FBXO25: variants seen among roughly 807,000 people sequenced by gnomAD.
FBXO25 encodes the protein F-box protein 25.
A neutral mutation model predicts 51.9 loss-of-function variants in FBXO25; 45 were observed. The observed-to-expected ratio is 0.87, with a 90% CI of 0.68 to 1.11. FBXO25 has a LOEUF of 1.11. FBXO25 is among the 50% of genes most tolerant of loss of function. The pLI is 0.00. For synonymous variants in FBXO25, 199 were observed against 151.0 expected (o/e 1.32, Z -2.33); for missense variants, 507 against 428.5 (o/e 1.18, Z -1.62).
intron 5 of FBXO25, among the ~76,000 whole-genome samples, chr8:441,964 A>T (rs1798451968): frequency 6.6e-6 from 1 of 152,226 alleles, no homozygotes; most frequent in Non-Finnish European, 1.5e-5. Context: ...TCAAGGATCT[A>T]GAACCAGAGA....
At chr8:423,165 T>C (rs1042803920) in intron 2 of FBXO25, among the ~76,000 whole-genome samples, 1 of 151,200 alleles carries the variant, frequency 6.6e-6, no homozygotes, top group East Asian at 1.9e-4. Flanking sequence ...GTTTTCTCTC[T>C]GTCTTCCTGG....
chr8:443,552 C>T (rs1461141718), intron 5 of FBXO25, among the ~76,000 whole-genome samples: 1 of 151,094 alleles, frequency 6.6e-6, no homozygotes, highest in Non-Finnish European at 1.5e-5. Context: ...AAAGGGACAA[C>T]CCCAAAAATA....
At chr8:446,205 C>T (rs533682540) in intron 5 of FBXO25, among the ~76,000 whole-genome samples, 8 of 152,192 alleles carry the variant, frequency 5.3e-5, no homozygotes, top group African/African-American at 9.6e-5. Context: ...ACCTCGGGCT[C>T]CCCTAACAGG....
In FBXO25 at chr8:475,491, T is replaced by G. The variant is rs1166826144; in HGVS notation, c.*6687T>G. ...GCCACTGGGATATTCTGATAGAGAT[T>G]GCATGAAATCTATAGATTGCTTTGG... On this transcript the variant is annotated 3_prime_UTR_variant, in exon 10 of 10. Transcript: ENST00000350302. The G allele has an allele frequency of 6.5e-6, 1 of 153,118 alleles. No homozygotes were observed. Among genetic ancestry groups the G allele is most frequent in the Non-Finnish European group, 1.5e-5 (1 of 68,792 alleles). 9.5% of individuals were successfully genotyped at this position (153,118 alleles called of 1,614,324 possible). A position where few individuals can be genotyped will look rare whatever the true frequency, so the allele number is the denominator to read the frequency against.
At chr8:459,724 G>A (rs775863893) in intron 8 of FBXO25, among the ~76,000 whole-genome samples, 10 of 152,118 alleles carry the variant, frequency 6.6e-5, no homozygotes, top group Non-Finnish European at 1.5e-4. Context: ...GTGGAGCTAG[G>A]GCCTAGACAG....
intron 3 of FBXO25, among the ~76,000 whole-genome samples, chr8:432,508 G>C (rs1404999072): frequency 6.6e-6 from 1 of 152,174 alleles, no homozygotes; most frequent in African/African-American, 2.4e-5. Flanking sequence ...AAACTTTTAA[G>C]ATTTATCTGA....
intron 1 of FBXO25, among the ~76,000 whole-genome samples, chr8:411,928 C>T (rs1584995361): frequency 6.6e-6 from 1 of 152,186 alleles, no homozygotes; most frequent in Non-Finnish European, 1.5e-5. Flanking sequence ...TAGCCTTCAC[C>T]CCCAAATATT....
At chr8:414,653 T>C (rs1223136181) in intron 2 of FBXO25, among the ~76,000 whole-genome samples, 1 of 152,228 alleles carries the variant, frequency 6.6e-6, no homozygotes, top group Non-Finnish European at 1.5e-5. Flanking sequence ...AGATATGTTT[T>C]CTTTGCATAA....
At chr8:458,700 C>A in intron 8 of FBXO25, 149 bp downstream of exon 8, 1 of 732,952 alleles carries the variant, frequency 1.4e-6, no homozygotes, top group Non-Finnish European at 2.2e-6. Flanking sequence ...ATTGAGATTG[C>A]TGTGGGTTCT....
chr8:445,786 G>A (rs779613190), intron 5 of FBXO25, among the ~76,000 whole-genome samples: 4 of 152,152 alleles, frequency 2.6e-5, no homozygotes, highest in Non-Finnish European at 5.9e-5. Context: ...CTAGAGAATC[G>A]CTTGAACCCA....
intron 2 of FBXO25, among the ~76,000 whole-genome samples, chr8:415,694 C>CTT (rs1442883382): frequency 1.3e-5 from 2 of 152,160 alleles, no homozygotes; most frequent in Non-Finnish European, 2.9e-5. Context: ...GAGAAGGACT[C>CTT]TGAGGGTTCA....
chr8:416,025 C>T (rs1796778069), intron 2 of FBXO25, among the ~76,000 whole-genome samples: 1 of 152,194 alleles, frequency 6.6e-6, no homozygotes, highest in African/African-American at 2.4e-5. Context: ...ATAACGCATT[C>T]AGCTCAGTCT....
intron 9 of FBXO25, among the ~76,000 whole-genome samples, chr8:466,074 C>T (rs114875978): frequency 2.2e-4 from 34 of 152,134 alleles, no homozygotes; most frequent in Admixed American, 1.1e-3. Context: ...AGTGAGTGGT[C>T]CCATCACAGC....
Position 475,184 on chromosome 8 carries a change from C to A in FBXO25, c.*6380C>A, listed in dbSNP as rs989275434. On this transcript the variant is annotated 3_prime_UTR_variant, in exon 10 of 10. Coordinates refer to ENST00000350302, the MANE Select transcript of FBXO25 (RefSeq NM_183420.2). ...ATGTGGATGTCCACTTGTCTAGCAC[C>A]ATTTGTTGAAAAGACTGTCCTTTCT... 9.1e-6 allele frequency: 3 copies of A among 330,676 alleles called. No individual in the cohort carries two copies. The highest frequency in any genetic ancestry group is 4.4e-5 in the African/African-American group (2 of 45,684). 20.5% of individuals were successfully genotyped at this position (330,676 alleles called of 1,614,324 possible).
At chr8:450,913 C>A in intron 6 of FBXO25, 1 of 205,874 alleles carries the variant, frequency 4.9e-6, no homozygotes, top group Non-Finnish European at 9.6e-6. Flanking sequence ...ACACTGAGTC[C>A]CCATTCCTCC....
intron 5 of FBXO25, among the ~76,000 whole-genome samples, chr8:447,275 G>T (rs946529127): frequency 2.6e-5 from 4 of 152,124 alleles, no homozygotes; most frequent in African/African-American, 9.7e-5. Context: ...AGCGGCTGGG[G>T]GAGAGAGTGG....
At chr8:449,143 A>C (rs1798917956) in intron 5 of FBXO25, among the ~76,000 whole-genome samples, 2 of 152,394 alleles carry the variant, frequency 1.3e-5, no homozygotes, top group South Asian at 4.1e-4. Flanking sequence ...GTACGTAAGA[A>C]GCACACCTAA....
intron 2 of FBXO25, among the ~76,000 whole-genome samples, chr8:424,546 G>A (rs1380257040): frequency 6.6e-6 from 1 of 152,182 alleles, no homozygotes; most frequent in Non-Finnish European, 1.5e-5. Context: ...TGTATATGCT[G>A]AAAGGTAGGG....
rs975111155 is a variant in FBXO25 at position 427,668 on chromosome 8, T to C, written c.135-3673T>C. 1.3e-5 allele frequency among the ~76,000 whole-genome samples: 2 copies of C among 148,832 alleles called. 1 individual carries two copies. Among genetic ancestry groups the C allele is most frequent in the African/African-American group, 5.0e-5 (2 of 39,798 alleles). On this transcript the variant is annotated intron_variant, in intron 2 of 9. Coordinates refer to ENST00000350302, the MANE Select transcript of FBXO25 (RefSeq NM_183420.2). Reference sequence around the variant, plus strand: ...TGGCCACTCAGGGAAGTTGAGTTTATGAGTATGTATTATTTTTTATTATGT... The same window carrying C: ...TGGCCACTCAGGGAAGTTGAGTTTACGAGTATGTATTATTTTTTATTATGT...
Sources: gnomAD v4.1 joint callset for allele counts (sites outside exome capture counted in the v4.1 genomes callset) on GRCh38, gnomAD v4.1.1 for gene constraint, MANE v1.5 for transcripts, NCBI Gene and HGNC (gene_info 2026-07-23, HGNC 2026-07-21) for gene names.